ZNF423: variants seen among roughly 807,000 people sequenced by gnomAD.
ZNF423 encodes Ebf-associated zinc finger protein.
In ZNF423, 12 loss-of-function variants were observed where a neutral mutation model predicts 95.8. The ratio of observed to expected loss-of-function variants is 0.13; its 90% CI spans 0.08 to 0.20. The LOEUF (loss-of-function observed/expected upper bound fraction) is 0.20. Ranked by LOEUF, ZNF423 falls within the 10% of genes least tolerant of loss-of-function variation. ZNF423 has a pLI of 1.00. For missense variants in ZNF423, 1,316 were observed against 1,737.1 expected (o/e 0.76, Z 4.31); for synonymous variants, 749 against 711.9 (o/e 1.05, Z -0.83).
intron 2 of ZNF423, among the ~76,000 whole-genome samples, chr16:49,773,900 G>A (rs1421453168): frequency 6.6e-6 from 1 of 152,228 alleles, no homozygotes; most frequent in Non-Finnish European, 1.5e-5. Flanking sequence ...CTTGGGGACA[G>A]TGAGCTGAGT....
intron 5 of ZNF423, among the ~76,000 whole-genome samples, chr16:49,604,559 C>T (rs1971474736): frequency 6.6e-6 from 1 of 152,112 alleles, no homozygotes; most frequent in Admixed American, 6.6e-5. Context: ...AGCAGGGTTC[C>T]TAAACCTCAC....
At chr16:49,523,848 G>A (rs1968501887) in intron 6 of ZNF423, 109 bp from the exon 7 acceptor site, 1 of 846,158 alleles carries the variant, frequency 1.2e-6, no homozygotes, top group East Asian at 2.5e-5. Flanking sequence ...CATAGGTACA[G>A]TCAGCCAAAC....
chr16:49,773,502 C>T (rs1457397619), intron 2 of ZNF423, among the ~76,000 whole-genome samples: 1 of 152,216 alleles, frequency 6.6e-6, no homozygotes, highest in Non-Finnish European at 1.5e-5. Flanking sequence ...CAGTGCCTAA[C>T]CACATCGCAG....
At chr16:49,524,043 G>A (rs1021430259) in intron 6 of ZNF423, among the ~76,000 whole-genome samples, 8 of 152,166 alleles carry the variant, frequency 5.3e-5, no homozygotes, top group African/African-American at 1.9e-4. Context: ...GATCAAATGG[G>A]ATATTGATAA....
chr16:49,609,355 A>G (rs1462435117), intron 5 of ZNF423, among the ~76,000 whole-genome samples: 1 of 152,218 alleles, frequency 6.6e-6, no homozygotes, highest in Admixed American at 6.5e-5. Context: ...CTCAAATTCA[A>G]TGGCAAAAAA....
intron 1 of ZNF423, among the ~76,000 whole-genome samples, chr16:49,827,583 A>G (rs937872517): frequency 4.0e-5 from 6 of 151,830 alleles, no homozygotes; most frequent in Non-Finnish European, 5.9e-5. Flanking sequence ...CGGCTCAATC[A>G]TAGTTTACTG....
At chr16:49,576,726 T>C (rs987363894) in intron 5 of ZNF423, among the ~76,000 whole-genome samples, 4 of 152,222 alleles carry the variant, frequency 2.6e-5, no homozygotes, top group African/African-American at 9.6e-5. Flanking sequence ...GCTGTGACCT[T>C]GGGCAAATTA....
intron 3 of ZNF423, among the ~76,000 whole-genome samples, chr16:49,673,399 T>C (rs753343933): frequency 6.6e-6 from 1 of 152,194 alleles, no homozygotes; most frequent in African/African-American, 2.4e-5. Flanking sequence ...GATCATTTCA[T>C]AGGCATTAAG....
rs370188901 is a variant in ZNF423, at chr16:49,524,855, G to A, written c.3733+508C>T. 4.6e-5 allele frequency among the ~76,000 whole-genome samples: 7 copies of A among 152,348 alleles called. No individual in the cohort carries two copies. In the East Asian group the frequency reaches 9.7e-4, roughly 21 times the overall value. ...TTGCCTCGGGCTGGGACAGCCATTC[G>A]CCTGGGCCGGCAGCCAGTCTGGGGG... On this transcript the variant is annotated intron_variant, in intron 6 of 7. Coordinates refer to ENST00000563137, the MANE Select transcript of ZNF423 (RefSeq NM_001379286.1).
At chr16:49,745,148 A>G (rs1327571338) in intron 2 of ZNF423, among the ~76,000 whole-genome samples, 2 of 152,226 alleles carry the variant, frequency 1.3e-5, no homozygotes, top group African/African-American at 4.8e-5. Flanking sequence ...AGGAAAGGTT[A>G]TTATACTCAG....
intron 3 of ZNF423, among the ~76,000 whole-genome samples, chr16:49,661,217 C>CAAAAAAAAAAAA (rs397959711): frequency 1.0e-5 from 1 of 97,798 alleles, no homozygotes. Context: ...GACTTCATCT[C>CAAAAAAAAAAAA]AAAAAAAAAA....
At chr16:49,786,024 AC>A (rs2034305378) in intron 2 of ZNF423, among the ~76,000 whole-genome samples, 2 of 152,002 alleles carry the variant, frequency 1.3e-5, no homozygotes, top group African/African-American at 4.8e-5. Context: ...CCAGCTCCAC[AC>A]CTCCAAGGCA....
intron 2 of ZNF423, among the ~76,000 whole-genome samples, chr16:49,759,409 A>T (rs1303237562): frequency 6.6e-6 from 1 of 152,130 alleles, no homozygotes; most frequent in African/African-American, 2.4e-5. Flanking sequence ...AGAAAAAAAA[A>T]AAAGGAAAGC....
intron 2 of ZNF423, among the ~76,000 whole-genome samples, chr16:49,756,959 T>A (rs942936839): frequency 1.3e-5 from 2 of 152,182 alleles, no homozygotes; most frequent in Admixed American, 1.3e-4. Context: ...AAAGCCAAAG[T>A]CCTGCCAAAA....
rs116034457 is a variant in ZNF423, at chr16:49,574,968, A to G, written c.3602-49474T>C. Among the ~76,000 whole-genome samples, 330 of 152,264 alleles carry G rather than the reference A, an allele frequency of 2.2e-3. 1 individual carries two copies. Among genetic ancestry groups the G allele is most frequent in the African/African-American group, 7.7e-3 (321 of 41,560 alleles). On this transcript the variant is annotated intron_variant, in intron 5 of 7. Coordinates refer to ENST00000563137, the MANE Select transcript of ZNF423 (RefSeq NM_001379286.1). Reference sequence around the variant, plus strand: ...CGACTTGCTAATCGGAGGCATTTAAACTGCTAGAAGGCCCAGATGCCCGGC... The same window carrying G: ...CGACTTGCTAATCGGAGGCATTTAAGCTGCTAGAAGGCCCAGATGCCCGGC...
At chr16:49,760,543 A>AC (rs2033810668) in intron 2 of ZNF423, among the ~76,000 whole-genome samples, 1 of 152,102 alleles carries the variant, frequency 6.6e-6, no homozygotes, top group Non-Finnish European at 1.5e-5. Context: ...AGAAAAACCA[A>AC]CTGTGCTAGG....
In ZNF423 at chr16:49,636,518, G is replaced by A. The variant is rs149969492; in HGVS notation, c.2658C>T (p.Asp886=). 34 of 1,613,718 alleles carry A rather than the reference G, an allele frequency of 2.1e-5. No homozygotes were observed. Among genetic ancestry groups the A allele is most frequent in the South Asian group, 4.4e-5 (4 of 91,088 alleles). ...CGTACATGGGCTCCGACGCGTCCAC[G>A]TCATCCTCGCTGGCCTCATGGCTGT... is the stretch of plus-strand genomic sequence containing the variant. ...APNSHEASED[D]VDASEPMYGC... is the part of the protein sequence containing the mutation. Residue 886 remains aspartate, a synonymous_variant, in exon 4 of 8, where the codon GAC becomes GAT. Coordinates refer to ENST00000563137, the MANE Select transcript of ZNF423 (RefSeq NM_001379286.1). This position sits in a 1 kb window ranked among gnomAD's most constrained non-coding sequence, Gnocchi z 8.6.
chr16:49,659,572 T>C (rs949404794), intron 3 of ZNF423, among the ~76,000 whole-genome samples: 7 of 152,202 alleles, frequency 4.6e-5, no homozygotes, highest in African/African-American at 1.7e-4. Context: ...ATCAGCCATA[T>C]GAAATGTTGA....
At chr16:49,773,678 G>T (rs1018724129) in intron 2 of ZNF423, among the ~76,000 whole-genome samples, 2 of 152,220 alleles carry the variant, frequency 1.3e-5, no homozygotes, top group Non-Finnish European at 2.9e-5. Flanking sequence ...AAGGGTGAGT[G>T]GAATCTGTGC....
Sources: allele counts gnomAD v4.1 joint callset (sites outside exome capture counted in the v4.1 genomes callset), GRCh38; gene constraint gnomAD v4.1.1; non-coding constraint Gnocchi (gnomAD v3.1); transcripts MANE v1.5; gene names NCBI Gene and HGNC (gene_info 2026-07-23, HGNC 2026-07-21).